CEP85L: variants seen among roughly 807,000 people sequenced by gnomAD.
CEP85L encodes the protein centrosomal protein 85L.
CEP85L carries 60 observed loss-of-function variants against 100.3 expected under a neutral mutation model. That is an observed-to-expected ratio of 0.60 (90% CI 0.49 to 0.74). The LOEUF (loss-of-function observed/expected upper bound fraction) is 0.74, where lower values mean the gene tolerates loss of function less well. Among genes scored for constraint, CEP85L ranks in the 30% least tolerant of loss-of-function variants. The probability of loss-of-function intolerance (pLI) is 0.00; values close to 1 mark genes in which losing one functional copy is unlikely to be tolerated. For synonymous variants in CEP85L, 319 were observed against 322.7 expected, an observed-to-expected ratio of 0.99 and a Z score of 0.12; for missense variants, 973 against 936.2, an observed-to-expected ratio of 1.04 and a Z score of -0.51.
chr6:118,654,184 A>G (rs1302465413), upstream of CEP85L, among the ~76,000 whole-genome samples: 1 of 152,182 alleles, frequency 6.6e-6, no homozygotes, highest in Admixed American at 6.5e-5. Context: ...AGACCAAGGC[A>G]GGAGAATCAC....
intron 1 of CEP85L, among the ~76,000 whole-genome samples, chr6:118,699,131 T>C (rs982168364): frequency 5.3e-5 from 8 of 152,156 alleles, no homozygotes; most frequent in East Asian, 1.9e-4. Flanking sequence ...TATAAAATCA[T>C]TGGAAAGACT....
chr6:118,606,423 A>C lies in CEP85L; in HGVS notation c.232+26030T>G, dbSNP rs143822597. 4.6e-5 allele frequency among the ~76,000 whole-genome samples: 7 copies of C among 152,370 alleles called. No homozygotes were observed. In the East Asian group the frequency reaches 1.3e-3, roughly 29 times the overall value. Reference sequence around the variant, plus strand: ...CCAGGACTGCCAGTGTGAAAGTGCAAAATGTCAGCTACTGAGCTACATACA... The same window carrying C: ...CCAGGACTGCCAGTGTGAAAGTGCACAATGTCAGCTACTGAGCTACATACA... On this transcript the variant is annotated intron_variant, in intron 2 of 12. Transcript: ENST00000368491.
At chr6:118,669,222 A>G (rs532828284) in intron 1 of CEP85L, among the ~76,000 whole-genome samples, 17 of 152,344 alleles carry the variant, frequency 1.1e-4, no homozygotes, top group African/African-American at 3.6e-4. Context: ...CAGGAGGAAC[A>G]GCTGTTCCCT....
chr6:118,671,976 G>A (rs1269856621), intron 1 of CEP85L, among the ~76,000 whole-genome samples: 1 of 152,128 alleles, frequency 6.6e-6, no homozygotes, highest in Non-Finnish European at 1.5e-5. Context: ...CTTTCTTCAA[G>A]CTGTTTGAAA....
intron 1 of CEP85L, among the ~76,000 whole-genome samples, chr6:118,645,193 C>A (rs1583217213): frequency 1.3e-5 from 2 of 152,188 alleles, no homozygotes; most frequent in African/African-American, 4.8e-5. Context: ...GAACACTTCT[C>A]CCTTCACGTC....
At chr6:118,593,547 G>C (rs965192864) in intron 2 of CEP85L, among the ~76,000 whole-genome samples, 1 of 151,880 alleles carries the variant, frequency 6.6e-6, no homozygotes, top group African/African-American at 2.4e-5. Context: ...ACCGCACTAG[G>C]GGGATGATGC....
At chr6:118,589,152 T>G (rs1412224463) in intron 2 of CEP85L, 1 of 277,006 alleles carries the variant, frequency 3.6e-6, no homozygotes, top group Non-Finnish European at 7.7e-6. Context: ...TTCAATGATA[T>G]TGCCAGATAC....
At chr6:118,500,750 A>G (rs778741812) in intron 5 of CEP85L, among the ~76,000 whole-genome samples, 1 of 152,246 alleles carries the variant, frequency 6.6e-6, no homozygotes, top group Non-Finnish European at 1.5e-5. Context: ...GTGCTCAACA[A>G]GCTACAATTG....
At chr6:118,654,153 C>A (rs1325674846), upstream of CEP85L, among the ~76,000 whole-genome samples, 1 of 152,082 alleles carries the variant, frequency 6.6e-6, no homozygotes, top group African/African-American at 2.4e-5. Flanking sequence ...GTCACTCATG[C>A]CTGTAATCCA....
Position 118,596,665 on chromosome 6 carries a change from T to TAA in CEP85L, c.233-30351_233-30350dup, listed in dbSNP as rs57495346. On this transcript the variant is annotated intron_variant, in intron 2 of 12. Transcript: ENST00000368491. ...AATATCTTAATACAACTGATTTTTTTAAAAAAAAAACAAGAGTACCTTTCC... is the reference window on the plus strand; with the variant it reads ...AATATCTTAATACAACTGATTTTTTTAAAAAAAAAAAACAAGAGTACCTTTCC... 5.0e-4 allele frequency among the ~76,000 whole-genome samples: 74 copies of TAA among 149,448 alleles called. No homozygotes were observed. In the East Asian group the frequency reaches 0.011, roughly 22 times the overall value.
intron 5 of CEP85L, among the ~76,000 whole-genome samples, chr6:118,495,241 A>G (rs1407962366): frequency 6.6e-6 from 1 of 152,082 alleles, no homozygotes; most frequent in African/African-American, 2.4e-5. Flanking sequence ...GGAAGGCATG[A>G]TTGTGTTTTA....
At chr6:118,586,397 G>A (rs1022884080) in intron 2 of CEP85L, among the ~76,000 whole-genome samples, 5 of 152,048 alleles carry the variant, frequency 3.3e-5, no homozygotes, top group Admixed American at 1.3e-4. Flanking sequence ...CACAATTAGC[G>A]AAAACCCAAT....
chr6:118,684,664 T>G (rs1485487856), intron 1 of CEP85L, among the ~76,000 whole-genome samples: 5 of 152,312 alleles, frequency 3.3e-5, no homozygotes, highest in East Asian at 3.9e-4. Flanking sequence ...AACAGTTTCT[T>G]TACACCCTTG....
chr6:118,516,775 C>T (rs184364718), intron 4 of CEP85L, among the ~76,000 whole-genome samples: 203 of 152,306 alleles, frequency 1.3e-3, no homozygotes, highest in African/African-American at 4.5e-3. Context: ...TCAATTTTGG[C>T]TTCTGTTGCC....
At chr6:118,468,476 GA>G in intron 12 of CEP85L, among the ~76,000 whole-genome samples, 1 of 152,188 alleles carries the variant, frequency 6.6e-6, no homozygotes, top group East Asian at 1.9e-4. Flanking sequence ...AGCACAGAAA[GA>G]AAGGGACACT....
intron 1 of CEP85L, among the ~76,000 whole-genome samples, chr6:118,658,555 G>A (rs538161665): frequency 1.3e-5 from 2 of 152,152 alleles, no homozygotes; most frequent in African/African-American, 4.8e-5. Context: ...GATTGCAGAA[G>A]TCTCTTAGCC....
chr6:118,556,169 A>G (rs1351894752), intron 3 of CEP85L, among the ~76,000 whole-genome samples: 1 of 152,180 alleles, frequency 6.6e-6, no homozygotes, highest in Non-Finnish European at 1.5e-5. Context: ...TATACCCAGT[A>G]ATGGGATTGT....
chr6:118,681,748 C>CT (rs199966143), intron 1 of CEP85L, among the ~76,000 whole-genome samples: 2,889 of 124,664 alleles, frequency 0.023, 61 homozygotes, highest in South Asian at 0.077. Context: ...ATAATTATTT[C>CT]TTTTTTTTTT....
Position 118,461,721 on chromosome 6 carries a change from T to C in CEP85L, c.*3684A>G, listed in dbSNP as rs936432955. 6.6e-6 allele frequency: 1 copy of C among 152,134 alleles called. No individual in the cohort carries two copies. The highest frequency in any genetic ancestry group is 1.5e-5 in the Non-Finnish European group (1 of 67,956). 9.4% of individuals were successfully genotyped at this position (152,134 alleles called of 1,614,324 possible). A position where few individuals can be genotyped will look rare whatever the true frequency, so the allele number is the denominator to read the frequency against. On this transcript the variant is annotated 3_prime_UTR_variant, in exon 13 of 13. Coordinates refer to ENST00000368491, the MANE Select transcript of CEP85L (RefSeq NM_001042475.3). ...GGGCAAAGTTGGAAATTTTGCTCTT[T>C]ATACCAAATAGGAAATTGTTCCTGT...
Sources: gnomAD v4.1 joint callset for allele counts (sites outside exome capture counted in the v4.1 genomes callset) on GRCh38, gnomAD v4.1.1 for gene constraint, MANE v1.5 for transcripts, NCBI Gene and HGNC (gene_info 2026-07-23, HGNC 2026-07-21) for gene names.